Variants in NUDCD3 observed in about 807,000 individuals in gnomAD.
The protein encoded by NUDCD3 is nudC domain-containing protein 3.
Under a neutral mutation model 39.7 loss-of-function variants are expected in NUDCD3, and 13 were observed. The ratio of observed to expected loss-of-function variants is 0.33; its 90% CI spans 0.21 to 0.52. The LOEUF (loss-of-function observed/expected upper bound fraction) is 0.52, where lower values mean the gene tolerates loss of function less well. NUDCD3 is among the 20% of genes least tolerant of loss of function. The pLI, the probability that NUDCD3 is intolerant of heterozygous loss-of-function variation, is 0.96. For synonymous variants in NUDCD3, 175 were observed against 172.4 expected (o/e 1.02, Z -0.12); for missense variants, 453 against 458.1 (o/e 0.99, Z 0.10).
intron 2 of NUDCD3, among the ~76,000 whole-genome samples, chr7:44,476,827 T>C (rs747386052): frequency 6.6e-6 from 1 of 152,000 alleles, no homozygotes; most frequent in Non-Finnish European, 1.5e-5. Flanking sequence ...TAAAATGAAG[T>C]GCAAACTCCA....
intron 3 of NUDCD3, among the ~76,000 whole-genome samples, chr7:44,418,346 CCTT>C: frequency 1.3e-5 from 2 of 152,326 alleles, no homozygotes; most frequent in East Asian, 3.9e-4. Flanking sequence ...GACAGTCTCT[CCTT>C]CTAAGAAGCC....
intron 2 of NUDCD3, among the ~76,000 whole-genome samples, chr7:44,458,936 C>CTCTG (rs1554493956): frequency 8.6e-6 from 1 of 116,062 alleles, no homozygotes; most frequent in African/African-American, 3.3e-5. Context: ...ACGGGGAGTG[C>CTCTG]TGTGTGTGTG....
rs559323264 is a variant in NUDCD3, at chr7:44,448,054, C to A, written c.510-20351G>T. 7.9e-5 allele frequency among the ~76,000 whole-genome samples: 12 copies of A among 152,328 alleles called. No individual in the cohort carries two copies. In the South Asian group the frequency reaches 2.1e-3, roughly 26 times the overall value. Reference sequence around the variant, plus strand: ...CCTGTCAGGCCGCCGCCTGCACCCACCACACTTGGTAGCTGAACATAGGCT... The same window carrying A: ...CCTGTCAGGCCGCCGCCTGCACCCAACACACTTGGTAGCTGAACATAGGCT... On this transcript the variant is annotated intron_variant, in intron 2 of 5. Coordinates refer to ENST00000355451, the MANE Select transcript of NUDCD3 (RefSeq NM_015332.4).
chr7:44,445,869 G>A (rs888657789), intron 2 of NUDCD3, among the ~76,000 whole-genome samples: 4 of 152,292 alleles, frequency 2.6e-5, no homozygotes, highest in Admixed American at 1.3e-4. Flanking sequence ...AAGGAGAACC[G>A]AAACCAGTAC....
At chr7:44,422,657 C>T (rs189212661) in intron 3 of NUDCD3, among the ~76,000 whole-genome samples, 4 of 152,268 alleles carry the variant, frequency 2.6e-5, no homozygotes, top group Admixed American at 6.5e-5. Context: ...AGCCTACCAA[C>T]CAAAAAAGCT....
chr7:44,455,313 G>A (rs532839291), intron 2 of NUDCD3, among the ~76,000 whole-genome samples: 53 of 152,110 alleles, frequency 3.5e-4, no homozygotes, highest in African/African-American at 1.1e-3. Context: ...GGCACTGCAC[G>A]GGGTCCTTTC....
intron 3 of NUDCD3, among the ~76,000 whole-genome samples, chr7:44,407,808 T>C (rs1226208978): frequency 6.6e-6 from 1 of 151,790 alleles, no homozygotes; most frequent in African/African-American, 2.4e-5. Context: ...ATACAGTAGC[T>C]AAAATTAAAC....
intron 3 of NUDCD3, among the ~76,000 whole-genome samples, chr7:44,407,653 C>T (rs1798854448): frequency 7.0e-6 from 1 of 142,566 alleles, no homozygotes. Flanking sequence ...AAAAAAAATA[C>T]AGAGCTAATT....
chr7:44,456,693 C>T lies in NUDCD3; in HGVS notation c.509+28275G>A, dbSNP rs190894032. On this transcript the variant is annotated intron_variant, in intron 2 of 5. Coordinates refer to ENST00000355451, the MANE Select transcript of NUDCD3 (RefSeq NM_015332.4). ...ATTGCTTGAGCCCAGGAGGTCGAGGCTACAGTGAGCCATGATTGCACCACT... is the reference window on the plus strand; with the variant it reads ...ATTGCTTGAGCCCAGGAGGTCGAGGTTACAGTGAGCCATGATTGCACCACT... Among the ~76,000 whole-genome samples, 17 of 151,702 alleles carry T rather than the reference C, an allele frequency of 1.1e-4. No homozygotes were observed. In the East Asian group the frequency reaches 1.9e-3, roughly 17 times the overall value.
chr7:44,461,033 G>A (rs1278457943), intron 2 of NUDCD3, among the ~76,000 whole-genome samples: 2 of 152,280 alleles, frequency 1.3e-5, no homozygotes, highest in Middle Eastern at 3.4e-3. Flanking sequence ...AACCCGACGG[G>A]TTCAACTCTG....
chr7:44,477,243 A>C (rs1457840438), intron 2 of NUDCD3, among the ~76,000 whole-genome samples: 1 of 152,182 alleles, frequency 6.6e-6, no homozygotes, highest in Non-Finnish European at 1.5e-5. Context: ...AGTTGGACCC[A>C]GGGCCCTGTC....
chr7:44,481,585 C>G (rs1352716858), intron 2 of NUDCD3: 1 of 152,244 alleles, frequency 6.6e-6, no homozygotes, highest in Non-Finnish European at 1.5e-5. Flanking sequence ...CTTAGCCAAA[C>G]TGACAAATGA....
In NUDCD3 at chr7:44,404,945, T is replaced by C. The variant is rs1189243166; in HGVS notation, c.643-362A>G. ...AGTGGTATTTCTTCCTTGCCTCCCC[T>C]TGTGGCTACCTGGGAGACGCAGGAG... On this transcript the variant is annotated intron_variant, in intron 3 of 5. Coordinates refer to ENST00000355451, the MANE Select transcript of NUDCD3 (RefSeq NM_015332.4). Among the ~76,000 whole-genome samples, 3 of 152,184 alleles carry C rather than the reference T, an allele frequency of 2.0e-5. No homozygotes were observed. The East Asian group carries it at 5.8e-4, about 29-fold the overall frequency.
chr7:44,481,752 T>C (rs1219364935), intron 2 of NUDCD3, among the ~76,000 whole-genome samples: 1 of 152,248 alleles, frequency 6.6e-6, no homozygotes, highest in East Asian at 1.9e-4. Flanking sequence ...TGCTATAGAC[T>C]GAATGTTTGT....
At position 44,382,706 on chromosome 7, in the gene NUDCD3, T is replaced by C. The variant is rs1798325998; in HGVS notation, c.*3305A>G. The C allele has an allele frequency of 6.6e-6, 1 of 152,282 alleles. No homozygotes were observed. The highest frequency in any genetic ancestry group is 1.5e-5 in the Non-Finnish European group (1 of 68,072). 9.4% of individuals were successfully genotyped at this position (152,282 alleles called of 1,614,324 possible). ...GCCAGGTTCTGTGCTGACAACTTCG[T>C]GCTTTTCATCGACAAAGCGAGTCAT... On this transcript the variant is annotated 3_prime_UTR_variant, in exon 6 of 6. Transcript: ENST00000355451.
At chr7:44,453,034 C>T (rs571562027) in intron 2 of NUDCD3, among the ~76,000 whole-genome samples, 18 of 152,130 alleles carry the variant, frequency 1.2e-4, no homozygotes, top group African/African-American at 4.1e-4. Flanking sequence ...ACAGCTCAGA[C>T]GGCTGGGAAG....
chr7:44,452,643 G>A (rs1799815885), intron 2 of NUDCD3, among the ~76,000 whole-genome samples: 1 of 152,060 alleles, frequency 6.6e-6, no homozygotes, highest in South Asian at 2.1e-4. Context: ...GTTTTTGGGA[G>A]AGGAAAAAAT....
At position 44,430,605 on chromosome 7, in the gene NUDCD3, A is replaced by C. The variant is rs905061712; in HGVS notation, c.510-2902T>G. Among the ~76,000 whole-genome samples the C allele has an allele frequency of 3.8e-3, 530 of 138,572 alleles. 7 individuals carry two copies. The highest frequency in any genetic ancestry group is 0.014 in the African/African-American group (495 of 36,160). 90.9% of individuals were successfully genotyped at this position (138,572 alleles called of 152,430 possible). On this transcript the variant is annotated intron_variant, in intron 2 of 5. Coordinates refer to ENST00000355451, the MANE Select transcript of NUDCD3 (RefSeq NM_015332.4). ...ACACACACACACACACACACACACA[A>C]AAGACCAACATGGCCCCAGCACTTG...
chr7:44,468,349 C>G, intron 2 of NUDCD3: 16 of 375,654 alleles, frequency 4.3e-5, no homozygotes, highest in South Asian at 1.2e-4. Context: ...GTAAAAACTG[C>G]AAAAAAAAAA....
Sources: gnomAD v4.1 joint callset for allele counts (sites outside exome capture counted in the v4.1 genomes callset) on GRCh38, gnomAD v4.1.1 for gene constraint, MANE v1.5 for transcripts, NCBI Gene and HGNC (gene_info 2026-07-23, HGNC 2026-07-21) for gene names.